The following LMNB1 variants were observed in gnomAD, a reference collection of about 807,000 sequenced individuals.
LMNB1 encodes the protein lamin-B1.
A neutral mutation model predicts 67.1 loss-of-function variants in LMNB1; 23 were observed. That is an observed-to-expected ratio of 0.34 (90% confidence interval 0.25 to 0.49). LMNB1 has a LOEUF of 0.49. LMNB1 is among the 20% of genes least tolerant of loss of function. The pLI is 0.99. For synonymous variants in LMNB1, 281 were observed against 282.9 expected (o/e 0.99, Z 0.07); for missense variants, 634 against 746.5 (o/e 0.85, Z 1.76).
In LMNB1 at chr5:126,794,261, C is replaced by T. The variant is rs575576567; in HGVS notation, c.360-10515C>T. 2.0e-4 allele frequency among the ~76,000 whole-genome samples: 31 copies of T among 152,154 alleles called. 1 individual carries two copies. The highest frequency in any genetic ancestry group is 8.5e-4 in the Admixed American group (13 of 15,292). ...TATTAAGTTATATTTGTTTTAATTTCGGGGAAGTTCATTAATTTTCCTTTG... is the reference window on the plus strand; with the variant it reads ...TATTAAGTTATATTTGTTTTAATTTTGGGGAAGTTCATTAATTTTCCTTTG... On this transcript the variant is annotated intron_variant, in intron 1 of 10. Coordinates refer to ENST00000261366, the MANE Select transcript of LMNB1 (RefSeq NM_005573.4).
chr5:126,819,094 A>G lies in LMNB1; in HGVS notation c.1112A>G (p.Asp371Gly), dbSNP rs1006690184. The change falls in exon 6 of 11, where the codon GAC becomes GGC. Residue 371 changes from aspartate to glycine, a missense_variant. Transcript: ENST00000261366. ...EQLLDVKLAL[D>G]MEISAYRKLL... is the part of the protein sequence containing the mutation. ...CTTCTTGATGTAAAGTTAGCCCTGGACATGGAAATCAGTGCTTACAGGAAA... is the reference window on the plus strand; with the variant it reads ...CTTCTTGATGTAAAGTTAGCCCTGGGCATGGAAATCAGTGCTTACAGGAAA... The G allele has an allele frequency of 6.2e-7, 1 of 1,614,192 alleles. No individual in the cohort carries two copies. Among genetic ancestry groups the G allele is most frequent in the African/African-American group, 1.3e-5 (1 of 75,064 alleles).
chr5:126,797,358 T>C (rs1751131410), intron 1 of LMNB1, among the ~76,000 whole-genome samples: 1 of 152,244 alleles, frequency 6.6e-6, no homozygotes, highest in Non-Finnish European at 1.5e-5. Flanking sequence ...TAGATTCACA[T>C]GTTGAATTTA....
intron 1 of LMNB1, among the ~76,000 whole-genome samples, chr5:126,796,778 TTTTC>T (rs1347808962): frequency 4.4e-5 from 6 of 137,240 alleles, no homozygotes; most frequent in Admixed American, 8.2e-5. Context: ...TCTTTTTCTT[TTTTC>T]TTTCTTTTTT....
intron 1 of LMNB1, among the ~76,000 whole-genome samples, chr5:126,795,145 T>C (rs993117610): frequency 6.7e-6 from 1 of 150,274 alleles, no homozygotes; most frequent in East Asian, 1.9e-4. Flanking sequence ...TTTTTTTTTT[T>C]AAATAAGGAT....
chr5:126,793,361 G>A (rs777336599), intron 1 of LMNB1, among the ~76,000 whole-genome samples: 3 of 151,790 alleles, frequency 2.0e-5, no homozygotes, highest in African/African-American at 7.3e-5. Context: ...TTGTGGTCCA[G>A]TTTCAATCTC....
rs1580520534 is a variant in LMNB1, at chr5:126,780,123, G to T, written c.359+2256G>T. On this transcript the variant is annotated intron_variant, in intron 1 of 10. Coordinates refer to ENST00000261366, the MANE Select transcript of LMNB1 (RefSeq NM_005573.4). Reference sequence around the variant, plus strand: ...AGGAGAATCGCTTGATATCCAGGAGGCAGAGGCTGCAGTGAGCCAGATGGT... The same window carrying T: ...AGGAGAATCGCTTGATATCCAGGAGTCAGAGGCTGCAGTGAGCCAGATGGT... Among the ~76,000 whole-genome samples, 3 of 152,206 alleles carry T rather than the reference G, an allele frequency of 2.0e-5. No individual in the cohort carries two copies. The South Asian group carries it at 6.2e-4, about 32-fold the overall frequency.
intron 1 of LMNB1, among the ~76,000 whole-genome samples, chr5:126,789,165 G>T (rs1313522115): frequency 1.3e-5 from 2 of 152,140 alleles, no homozygotes; most frequent in Non-Finnish European, 2.9e-5. Context: ...GGGATTACAG[G>T]TGTGAGCCAC....
chr5:126,831,904 G>A (rs1343588402), intron 9 of LMNB1, among the ~76,000 whole-genome samples: 1 of 152,128 alleles, frequency 6.6e-6, no homozygotes, highest in Admixed American at 6.5e-5. Flanking sequence ...TACTAATTAT[G>A]CGGAAATTTC....
rs993227860 is a variant in LMNB1, at chr5:126,820,527, CTTA to C, written c.1161-371_1161-369del. Among the ~76,000 whole-genome samples the C allele has an allele frequency of 6.6e-5, 10 of 151,798 alleles. No homozygotes were observed. The East Asian group carries it at 1.4e-3, about 20-fold the overall frequency. The stretch of plus-strand genomic sequence containing the variant: ...AATGCATGGGTGGGATATTCTTCTT[CTTA>C]TTATTATTATTTTGAGACAGGTTTT... On this transcript the variant is annotated intron_variant, in intron 6 of 10. Transcript: ENST00000261366.
At chr5:126,832,150 C>G (rs914685182) in intron 9 of LMNB1, among the ~76,000 whole-genome samples, 9 of 152,108 alleles carry the variant, frequency 5.9e-5, no homozygotes, top group African/African-American at 2.2e-4. Flanking sequence ...TGCCTGTAAT[C>G]CCAGCTACTG....
At position 126,795,427 on chromosome 5, in the gene LMNB1, CG is replaced by C. The variant is rs1285096343; in HGVS notation, c.360-9346del. ...TGCTAGGATTACAGGCATGAACCACCGGGCCTGGCCTCCTAATTCATTTTCA... is the reference window on the plus strand; with the variant it reads ...TGCTAGGATTACAGGCATGAACCACCGGCCTGGCCTCCTAATTCATTTTCA... On this transcript the variant is annotated intron_variant, in intron 1 of 10. Transcript: ENST00000261366. 6.6e-5 allele frequency among the ~76,000 whole-genome samples: 10 copies of C among 151,906 alleles called. No homozygotes were observed. The East Asian group carries it at 1.9e-3, about 30-fold the overall frequency.
At chr5:126,800,982 A>ATATATATATATATTTTTTTTT in intron 1 of LMNB1, among the ~76,000 whole-genome samples, 2 of 18,638 alleles carry the variant, frequency 1.1e-4, no homozygotes, top group East Asian at 1.5e-3. Context: ...TATATATATA[A>ATATATATATATATTTTTTTTT]TTTTTTTTTT....
At chr5:126,793,713 A>G (rs1430362256) in intron 1 of LMNB1, among the ~76,000 whole-genome samples, 2 of 152,004 alleles carry the variant, frequency 1.3e-5, no homozygotes, top group Non-Finnish European at 2.9e-5. Context: ...CATCTCTACT[A>G]AAAATACCAA....
chr5:126,799,383 C>T (rs1751204993), intron 1 of LMNB1, among the ~76,000 whole-genome samples: 1 of 152,184 alleles, frequency 6.6e-6, no homozygotes, highest in Admixed American at 6.5e-5. Context: ...GAACACAGAA[C>T]AATTTGTTTG....
Position 126,836,642 on chromosome 5 carries a change from A to G in LMNB1, c.*378A>G, listed in dbSNP as rs533956087. The stretch of plus-strand genomic sequence containing the variant: ...GAAGATTGCCCCATCTAGACTAGCA[A>G]TCTCTTCATTATTCTCTGCTATATA... On this transcript the variant is annotated 3_prime_UTR_variant, in exon 11 of 11. Transcript: ENST00000261366. The G allele has an allele frequency of 4.3e-4, 155 of 363,892 alleles. No homozygotes were observed. Among genetic ancestry groups the G allele is most frequent in the Non-Finnish European group, 6.7e-4 (138 of 206,398 alleles). 22.5% of individuals were successfully genotyped at this position (363,892 alleles called of 1,614,324 possible).
intron 1 of LMNB1, among the ~76,000 whole-genome samples, chr5:126,792,002 C>T (rs560923970): frequency 1.3e-5 from 2 of 152,058 alleles, no homozygotes; most frequent in African/African-American, 4.8e-5. Flanking sequence ...AGGCTGGTCT[C>T]GAACTCCTGA....
intron 3 of LMNB1, among the ~76,000 whole-genome samples, chr5:126,808,346 GCTAA>G (rs1340690430): frequency 6.6e-6 from 1 of 150,870 alleles, no homozygotes; most frequent in African/African-American, 2.4e-5. Context: ...CTCACAACTG[GCTAA>G]CTTTTTTTTT....
chr5:126,799,865 A>G (rs572812708), intron 1 of LMNB1, among the ~76,000 whole-genome samples: 1 of 152,302 alleles, frequency 6.6e-6, no homozygotes, highest in South Asian at 2.1e-4. Context: ...TTATGAGAAG[A>G]GACTATAAAT....
At position 126,805,708 on chromosome 5, in the gene LMNB1, T is replaced by C. The variant is rs1455939850; in HGVS notation, c.642+12T>C. 2 of 1,589,958 alleles carry C rather than the reference T, an allele frequency of 1.3e-6. No homozygotes were observed. The highest frequency in any genetic ancestry group is 1.7e-6 in the Non-Finnish European group (2 of 1,167,540). ...GCATGTATGAAGAGGTAACTATATATAATTTTGCTTTGTAAAGGAATGGAG... is the reference window on the plus strand; with the variant it reads ...GCATGTATGAAGAGGTAACTATATACAATTTTGCTTTGTAAAGGAATGGAG... On this transcript the variant is annotated intron_variant, in intron 3 of 10. Coordinates refer to ENST00000261366, the MANE Select transcript of LMNB1 (RefSeq NM_005573.4).
Sources: allele counts gnomAD v4.1 joint callset (sites outside exome capture counted in the v4.1 genomes callset), GRCh38; gene constraint gnomAD v4.1.1; transcripts MANE v1.5; gene names NCBI Gene and HGNC (gene_info 2026-07-23, HGNC 2026-07-21).